Variants in PRKCE observed in about 807,000 individuals in gnomAD.
PRKCE encodes protein kinase C epsilon type.
In PRKCE, 16 loss-of-function variants were observed where a neutral mutation model predicts 85.4. That is an observed-to-expected ratio of 0.19 (90% CI 0.13 to 0.28). PRKCE has a LOEUF of 0.28. PRKCE is among the 10% of genes least tolerant of loss of function. The pLI, the probability that PRKCE is intolerant of heterozygous loss-of-function variation, is 1.00. For synonymous variants in PRKCE, 388 were observed against 371.5 expected (o/e 1.04, Z -0.51); for missense variants, 573 against 975.2 (o/e 0.59, Z 5.49).
intron 2 of PRKCE, among the ~76,000 whole-genome samples, chr2:45,916,221 C>G (rs1025030960): frequency 6.6e-6 from 1 of 150,744 alleles, no homozygotes; most frequent in Non-Finnish European, 1.5e-5. Context: ...CTTCTATATT[C>G]TTCTATATGC....
chr2:45,786,439 A>T lies in PRKCE; in HGVS notation c.349-56561A>T, dbSNP rs932814211. Among the ~76,000 whole-genome samples the T allele has an allele frequency of 1.3e-5, 2 of 152,058 alleles. No individual in the cohort carries two copies. Among genetic ancestry groups the T allele is most frequent in the Non-Finnish European group, 2.9e-5 (2 of 68,026 alleles). On this transcript the variant is annotated intron_variant, in intron 1 of 14. Transcript: ENST00000306156. The surrounding 1 kb of genome is among the most constrained non-coding windows in gnomAD (Gnocchi z 5.3). ...TACCGCAACTTCCGTTTCTGTACCC[A>T]CCCACTCCCTCTCTTTCTGGCTGCT...
intron 1 of PRKCE, among the ~76,000 whole-genome samples, chr2:45,768,959 T>C (rs1395973775): frequency 6.6e-6 from 1 of 152,254 alleles, no homozygotes; most frequent in African/African-American, 2.4e-5. Flanking sequence ...GATCACCTGA[T>C]TGTTCTGCTA....
At chr2:46,132,957 A>T (rs890988746) in intron 11 of PRKCE, among the ~76,000 whole-genome samples, 2 of 152,126 alleles carry the variant, frequency 1.3e-5, no homozygotes, top group Non-Finnish European at 2.9e-5. Flanking sequence ...ATCCCCGTCA[A>T]ATTGTGTGGA....
intron 10 of PRKCE, among the ~76,000 whole-genome samples, chr2:46,046,007 G>T (rs1022833741): frequency 2.6e-5 from 4 of 152,240 alleles, no homozygotes; most frequent in Non-Finnish European, 5.9e-5. Context: ...TCTCCTGGGG[G>T]ACAAAGACAA....
chr2:45,827,982 G>A (rs1690087636), intron 1 of PRKCE, among the ~76,000 whole-genome samples: 3 of 152,104 alleles, frequency 2.0e-5, no homozygotes, highest in African/African-American at 4.8e-5. Flanking sequence ...GAGACAAATA[G>A]GAGAATATAT....
intron 2 of PRKCE, among the ~76,000 whole-genome samples, chr2:45,947,331 G>C (rs932319782): frequency 6.6e-6 from 1 of 152,196 alleles, no homozygotes; most frequent in East Asian, 1.9e-4. Context: ...AGAGGCAGGC[G>C]TGAATGAGGG....
intron 1 of PRKCE, among the ~76,000 whole-genome samples, chr2:45,661,687 C>T (rs1460271820): frequency 6.7e-6 from 1 of 148,392 alleles, no homozygotes; most frequent in African/African-American, 2.5e-5. Context: ...CGCCACCACG[C>T]CCAGCTAATT....
chr2:46,022,719 A>G (rs1029178069), intron 10 of PRKCE, among the ~76,000 whole-genome samples: 4 of 152,242 alleles, frequency 2.6e-5, no homozygotes, highest in African/African-American at 9.6e-5. Flanking sequence ...CTGTCTGTTT[A>G]AAGTACAGCA....
intron 11 of PRKCE, among the ~76,000 whole-genome samples, chr2:46,135,434 C>T (rs1293073792): frequency 6.6e-6 from 1 of 152,182 alleles, no homozygotes; most frequent in Non-Finnish European, 1.5e-5. Flanking sequence ...GTCAAGTAAC[C>T]CCTCAAACTC....
At chr2:46,127,659 C>T (rs969959585) in intron 11 of PRKCE, among the ~76,000 whole-genome samples, 3 of 152,214 alleles carry the variant, frequency 2.0e-5, no homozygotes, top group Non-Finnish European at 4.4e-5. Context: ...AAATCTTTGA[C>T]AGTGAGTGGC....
At position 46,018,479 on chromosome 2, in the gene PRKCE, A is replaced by T. The variant is rs934697224; in HGVS notation, c.1437+7962A>T. 1.2e-4 allele frequency among the ~76,000 whole-genome samples: 19 copies of T among 152,222 alleles called. No individual in the cohort carries two copies. In the East Asian group the frequency reaches 1.5e-3, roughly 12 times the overall value. On this transcript the variant is annotated intron_variant, in intron 10 of 14. Coordinates refer to ENST00000306156, the MANE Select transcript of PRKCE (RefSeq NM_005400.3). ...AGTGAAACTCCATCTCAAAAAAAAAAATTTTTTTAAAAAAAGCCCTTCTGG... is the reference window on the plus strand; with the variant it reads ...AGTGAAACTCCATCTCAAAAAAAAATATTTTTTTAAAAAAAGCCCTTCTGG...
Position 46,010,424 on chromosome 2 carries a change from T to A in PRKCE, c.1344T>A (p.Asp448Glu), listed in dbSNP as rs1705565439. ...VLKKDVILQDDDVDCTMTEKR... is the reference protein window; with the variant it reads ...VLKKDVILQDEDVDCTMTEKR... ...AGAAGGACGTCATCCTTCAGGATGA[T>A]GACGTGGACTGCACAATGACAGAGA... is the stretch of plus-strand genomic sequence containing the variant. Residue 448 changes from aspartate (D) to glutamate (E), a missense_variant, in exon 10 of 15, where the codon GAT (aspartate) becomes GAA (glutamate). By Grantham distance (45) the Asp-to-Glu change is conservative. Coordinates refer to ENST00000306156, the MANE Select transcript of PRKCE (RefSeq NM_005400.3). The A allele has an allele frequency of 3.1e-6, 5 of 1,599,572 alleles. No homozygotes were observed. The highest frequency in any genetic ancestry group is 3.4e-6 in the Non-Finnish European group (4 of 1,179,932).
intron 1 of PRKCE, among the ~76,000 whole-genome samples, chr2:45,680,394 A>C (rs1457672360): frequency 1.3e-5 from 2 of 152,172 alleles, no homozygotes; most frequent in Non-Finnish European, 2.9e-5. Flanking sequence ...GGAAAAAGAG[A>C]ATTACACTTC....
At chr2:46,028,974 T>C (rs950835044) in intron 10 of PRKCE, among the ~76,000 whole-genome samples, 6 of 152,242 alleles carry the variant, frequency 3.9e-5, no homozygotes, top group African/African-American at 1.4e-4. Flanking sequence ...TCCATGTCCC[T>C]GTAAAGGACA....
At chr2:45,708,041 A>ATGCTGCAGGG in intron 1 of PRKCE, among the ~76,000 whole-genome samples, 1 of 152,326 alleles carries the variant, frequency 6.6e-6, no homozygotes, top group African/African-American at 2.4e-5. Context: ...GAATGCTGGG[A>ATGCTGCAGGG]TGCTGCAGGG....
intron 2 of PRKCE, among the ~76,000 whole-genome samples, chr2:45,866,474 A>AT (rs1250188817): frequency 6.6e-6 from 1 of 151,900 alleles, no homozygotes; most frequent in East Asian, 1.9e-4. Context: ...TGCCTGGCTA[A>AT]TTTTTTGTAT....
intron 2 of PRKCE, among the ~76,000 whole-genome samples, chr2:45,880,989 T>C (rs1694841401): frequency 6.6e-6 from 1 of 151,764 alleles, no homozygotes; most frequent in South Asian, 2.1e-4. Flanking sequence ...CCGTCTCTAC[T>C]AAAAATACAA....
intron 2 of PRKCE, among the ~76,000 whole-genome samples, chr2:45,893,836 T>G (rs1382198960): frequency 6.6e-6 from 1 of 152,154 alleles, no homozygotes; most frequent in Non-Finnish European, 1.5e-5. Context: ...GGACCGGGGC[T>G]GGTCTGTTCT....
rs140314923 is a variant in PRKCE, at chr2:46,111,421, C to T, written c.1592+25059C>T. Among the ~76,000 whole-genome samples the T allele has an allele frequency of 8.6e-4, 131 of 152,260 alleles. 1 individual carries two copies. Among genetic ancestry groups the T allele is most frequent in the South Asian group, 5.2e-3 (25 of 4,820 alleles). On this transcript the variant is annotated intron_variant, in intron 11 of 14. Coordinates refer to ENST00000306156, the MANE Select transcript of PRKCE (RefSeq NM_005400.3). ...TCTATTCAAGCAGTTGTGCAGTCAT[C>T]ACCACAATCAACTTTAGAAAACTTT...
Sources: allele counts gnomAD v4.1 joint callset (sites outside exome capture counted in the v4.1 genomes callset), GRCh38; gene constraint gnomAD v4.1.1; non-coding constraint Gnocchi (gnomAD v3.1); transcripts MANE v1.5; gene names NCBI Gene and HGNC (gene_info 2026-07-23, HGNC 2026-07-21).